DGKD: variants seen among roughly 807,000 people sequenced by gnomAD.
DGKD encodes the protein diacylglycerol kinase delta.
DGKD carries 68 observed loss-of-function variants against 154.4 expected under a neutral mutation model. The observed-to-expected ratio is 0.44, with a 90% CI of 0.36 to 0.54. The LOEUF (loss-of-function observed/expected upper bound fraction) is 0.54. Ranked by LOEUF, DGKD falls within the 20% of genes least tolerant of loss-of-function variation. The pLI, the probability that DGKD is intolerant of heterozygous loss-of-function variation, is 0.00. For synonymous variants in DGKD, 693 were observed against 638.0 expected (o/e 1.09, Z -1.30); for missense variants, 1,343 against 1,593.6 (o/e 0.84, Z 2.68).
At chr2:233,450,479 C>A (rs770266138) in intron 16 of DGKD, among the ~76,000 whole-genome samples, 2 of 151,278 alleles carry the variant, frequency 1.3e-5, no homozygotes, top group Non-Finnish European at 2.9e-5. Context: ...AGAGGGAAGG[C>A]GGGTGGGTGA....
chr2:233,437,325 T>G (rs2062730962), intron 7 of DGKD, 52 bp from the exon 8 acceptor site: 32 of 1,525,348 alleles, frequency 2.1e-5, no homozygotes, highest in Non-Finnish European at 2.9e-5. Context: ...GGATTTCTGG[T>G]GTGTGTGAAG....
chr2:233,360,264 A>AT (rs955206411), intron 1 of DGKD, among the ~76,000 whole-genome samples: 10 of 151,700 alleles, frequency 6.6e-5, no homozygotes, highest in Admixed American at 2.0e-4. Flanking sequence ...CTTTAAAAAA[A>AT]TTTTTTTTCT....
intron 1 of DGKD, among the ~76,000 whole-genome samples, chr2:233,370,756 A>AT (rs1000695026): frequency 1.1e-4 from 16 of 150,298 alleles, no homozygotes; most frequent in South Asian, 2.1e-4. Flanking sequence ...TTTATTTTGT[A>AT]TTTTTTTTTA....
At chr2:233,399,463 A>G (rs975353652) in intron 3 of DGKD, among the ~76,000 whole-genome samples, 2 of 152,198 alleles carry the variant, frequency 1.3e-5, no homozygotes, top group African/African-American at 2.4e-5. Context: ...CAGCCACGGC[A>G]GGGCTGGGGA....
rs76875647 is a variant in DGKD at position 233,406,707 on chromosome 2, A to T, written c.348+16224A>T. On this transcript the variant is annotated intron_variant, in intron 3 of 29. Coordinates refer to ENST00000264057, the MANE Select transcript of DGKD (RefSeq NM_152879.3). ...TTAGAGAAATTCTGAGAAGGAGTTC[A>T]TAGGCCTCACCAGACTGCCAGAAGG... Among the ~76,000 whole-genome samples, 961 of 152,324 alleles carry T rather than the reference A, an allele frequency of 6.3e-3. 20 individuals are homozygous for T. The East Asian group carries it at 0.08, about 13-fold the overall frequency.
At chr2:233,355,885 G>C (rs554814092) in intron 1 of DGKD, among the ~76,000 whole-genome samples, 4 of 152,164 alleles carry the variant, frequency 2.6e-5, no homozygotes, top group Non-Finnish European at 4.4e-5. Context: ...TATCATCTCC[G>C]TCTTTTGGAA....
intron 1 of DGKD, among the ~76,000 whole-genome samples, chr2:233,376,669 A>G (rs563748026): frequency 6.6e-6 from 1 of 152,286 alleles, no homozygotes; most frequent in South Asian, 2.1e-4. Context: ...CATCATTCTC[A>G]GCAAACTATC....
chr2:233,407,291 C>G (rs1412323520), intron 3 of DGKD, among the ~76,000 whole-genome samples: 5 of 152,140 alleles, frequency 3.3e-5, no homozygotes, highest in Non-Finnish European at 7.3e-5. Flanking sequence ...TTAAAAATAG[C>G]TTTTGTAGCA....
In DGKD at chr2:233,470,453, C is replaced by G. The variant is rs909720661; in HGVS notation, c.*993C>G. The stretch of plus-strand genomic sequence containing the variant: ...CCGGAGGCTCTCCTGAGTGTCTGCC[C>G]CTGCAGTGGCTTCTTGTCGCCTGCT... On this transcript the variant is annotated 3_prime_UTR_variant, in exon 30 of 30. Coordinates refer to ENST00000264057, the MANE Select transcript of DGKD (RefSeq NM_152879.3). 6.5e-6 allele frequency: 1 copy of G among 152,698 alleles called. No individual in the cohort carries two copies. The highest frequency in any genetic ancestry group is 1.5e-5 in the Non-Finnish European group (1 of 68,346). The allele number at this position is 152,698 out of a possible 1,614,324, so 9.5% of individuals were successfully genotyped here. A position where few individuals can be genotyped will look rare whatever the true frequency, so the allele number is the denominator to read the frequency against.
Position 233,354,646 on chromosome 2 carries a change from T to C in DGKD, c.128T>C (p.Val43Ala). 9.1e-7 allele frequency: 1 copy of C among 1,096,400 alleles called. No homozygotes were observed. Among genetic ancestry groups the C allele is most frequent in the Non-Finnish European group, 1.1e-6 (1 of 890,192 alleles). The allele number at this position is 1,096,400 out of a possible 1,614,324, so 67.9% of individuals were successfully genotyped here. The change falls in exon 1 of 30, where the codon GTG (valine) becomes GCG (alanine). Residue 43 changes from valine (V) to alanine (A), a missense_variant. Val to Ala is a moderately conservative substitution (Grantham distance 64). Coordinates refer to ENST00000264057, the MANE Select transcript of DGKD (RefSeq NM_152879.3). This position sits in a 1 kb window ranked among gnomAD's most constrained non-coding sequence, Gnocchi z 4.8. ...PGSPQKLIRKVSTSGQIRQKT... is the reference protein window; with the variant it reads ...PGSPQKLIRKASTSGQIRQKT... ...TCCCCACAGAAGCTCATCCGCAAGG[T>C]GTCCACGTCGGGTCAGATCCGACAG...
At chr2:233,357,083 GTGAA>G (rs1179715624) in intron 1 of DGKD, among the ~76,000 whole-genome samples, 2 of 152,196 alleles carry the variant, frequency 1.3e-5, no homozygotes, top group Non-Finnish European at 2.9e-5. Context: ...AAGTTGGAGG[GTGAA>G]GGAAGGAGAT....
intron 1 of DGKD, among the ~76,000 whole-genome samples, chr2:233,384,212 C>G (rs1334404576): frequency 6.6e-6 from 1 of 152,162 alleles, no homozygotes; most frequent in Non-Finnish European, 1.5e-5. Context: ...CTCGGTGACC[C>G]CCTGGTGGCT....
Position 233,354,494 on chromosome 2 carries a change from G to A in DGKD, c.-25G>A, listed in dbSNP as rs1701442767. On this transcript the variant is annotated 5_prime_UTR_variant, in exon 1 of 30. Coordinates refer to ENST00000264057, the MANE Select transcript of DGKD (RefSeq NM_152879.3). The surrounding 1 kb of genome is among the most constrained non-coding windows in gnomAD (Gnocchi z 4.8). ...CGCCGGCCCCGCCCCGCCCCCGCCCGCGGTGCGCGCGCTGGCCCGGCAGCA... is the reference window on the plus strand; with the variant it reads ...CGCCGGCCCCGCCCCGCCCCCGCCCACGGTGCGCGCGCTGGCCCGGCAGCA... 2.1e-6 allele frequency: 2 copies of A among 958,210 alleles called. No homozygotes were observed. The highest frequency in any genetic ancestry group is 4.8e-5 in the South Asian group (1 of 21,004). The allele number at this position is 958,210 out of a possible 1,614,324, so 59.4% of individuals were successfully genotyped here.
Position 233,459,740 on chromosome 2 carries a change from CTA to C in DGKD, c.2695-15_2695-14del. 1 of 1,611,892 alleles carries C rather than the reference CTA, an allele frequency of 6.2e-7. No individual in the cohort carries two copies. The highest frequency in any genetic ancestry group is 1.1e-5 in the South Asian group (1 of 90,804). ...GGTTTTGGCTCAGCATGAGTAATGG[CTA>C]TGATGTCTGCTCAGTGTCGCACGGT... is the stretch of plus-strand genomic sequence containing the variant. On this transcript the variant is annotated splice_polypyrimidine_tract_variant and intron_variant, in intron 22 of 29. Coordinates refer to ENST00000264057, the MANE Select transcript of DGKD (RefSeq NM_152879.3). This position sits in a 1 kb window ranked among gnomAD's most constrained non-coding sequence, Gnocchi z 5.7.
intron 3 of DGKD, among the ~76,000 whole-genome samples, chr2:233,412,404 C>T (rs2061850955): frequency 6.6e-6 from 1 of 152,222 alleles, no homozygotes; most frequent in African/African-American, 2.4e-5. Context: ...AATTTATAAA[C>T]ATTTTATATC....
At position 233,446,745 on chromosome 2, in the gene DGKD, C is replaced by T. The variant is rs748993031; in HGVS notation, c.1368C>T (p.Pro456=). 1 of 1,614,148 alleles carries T rather than the reference C, an allele frequency of 6.2e-7. No homozygotes were observed. The highest frequency in any genetic ancestry group is 8.5e-7 in the Non-Finnish European group (1 of 1,180,024). ...WSVMAYEAKL[P]RQASSSTVTE... ...TCATGGCATACGAGGCCAAGCTCCC[C>T]CGGCAGGCCTCCTCCTCTACCGTCA... The change falls in exon 12 of 30, where the codon CCC becomes CCT. Residue 456 remains proline, a synonymous_variant. Transcript: ENST00000264057.
chr2:233,409,772 T>C (rs2125509175), intron 3 of DGKD, among the ~76,000 whole-genome samples: 1 of 147,924 alleles, frequency 6.8e-6, no homozygotes. Context: ...AAAAAACATG[T>C]GATCCCCCCA....
At chr2:233,434,075 T>TA (rs2062614073) in intron 3 of DGKD, among the ~76,000 whole-genome samples, 1 of 152,238 alleles carries the variant, frequency 6.6e-6, no homozygotes, top group South Asian at 2.1e-4. Flanking sequence ...CAACAGTTGT[T>TA]ACTTCTTTTT....
intron 3 of DGKD, among the ~76,000 whole-genome samples, chr2:233,421,720 C>T (rs1002849772): frequency 5.3e-5 from 8 of 152,208 alleles, no homozygotes; most frequent in African/African-American, 1.9e-4. Flanking sequence ...CCAGACCTCT[C>T]TTTTCTGGTC....
Sources: allele counts gnomAD v4.1 joint callset (sites outside exome capture counted in the v4.1 genomes callset), GRCh38; gene constraint gnomAD v4.1.1; non-coding constraint Gnocchi (gnomAD v3.1); transcripts MANE v1.5; gene names NCBI Gene and HGNC (gene_info 2026-07-23, HGNC 2026-07-21).